RBFOX1: variants seen among roughly 807,000 people sequenced by gnomAD.
RBFOX1 encodes RNA binding fox-1 homolog 1.
Under a neutral mutation model 57.7 loss-of-function variants are expected in RBFOX1, and 8 were observed. The ratio of observed to expected loss-of-function variants is 0.14; its 90% CI spans 0.08 to 0.25. The LOEUF is 0.25. RBFOX1 is among the 10% of genes least tolerant of loss of function. RBFOX1 has a pLI of 1.00. For synonymous variants in RBFOX1, 326 were observed against 222.4 expected (o/e 1.47, Z -4.15); for missense variants, 611 against 548.5 (o/e 1.11, Z -1.14).
At chr16:6,933,898 ACAAC>A (rs2076955974) in intron 3 of RBFOX1, among the ~76,000 whole-genome samples, 1 of 152,198 alleles carries the variant, frequency 6.6e-6, no homozygotes, top group Non-Finnish European at 1.5e-5. Flanking sequence ...AAGTTATTGA[ACAAC>A]AAAATACCAG....
chr16:7,146,896 C>T (rs1042740665), intron 4 of RBFOX1, among the ~76,000 whole-genome samples: 1 of 147,314 alleles, frequency 6.8e-6, no homozygotes. Context: ...TTGCAGTGAG[C>T]CATGTTTGCG....
chr16:5,569,457 TTTTTTTTTTTCTTC>T (rs1670977851), intron 2 of RBFOX1, among the ~76,000 whole-genome samples: 1 of 116,084 alleles, frequency 8.6e-6, no homozygotes, highest in African/African-American at 4.1e-5. Flanking sequence ...TTTTTTTTTT[TTTTTTTTTTTCTTC>T]TTCTTTTTGG....
intron 1 of RBFOX1, among the ~76,000 whole-genome samples, chr16:5,400,586 A>G (rs1476107091): frequency 1.3e-5 from 2 of 152,206 alleles, no homozygotes; most frequent in Admixed American, 6.5e-5. Flanking sequence ...GTCTCTGAAA[A>G]TAGAAAATTA....
chr16:5,835,515 G>C (rs2056429643), intron 3 of RBFOX1, among the ~76,000 whole-genome samples: 1 of 152,152 alleles, frequency 6.6e-6, no homozygotes, highest in South Asian at 2.1e-4. Context: ...GTTGAAAAGA[G>C]TCCAGATTCC....
chr16:5,416,646 C>G (rs74007409), intron 1 of RBFOX1, among the ~76,000 whole-genome samples: 2,188 of 151,734 alleles, frequency 0.014, 55 homozygotes, highest in African/African-American at 0.049. Flanking sequence ...AAGTCTCTTA[C>G]AATGCTTACG....
chr16:6,928,162 C>T (rs1196204545), intron 3 of RBFOX1, among the ~76,000 whole-genome samples: 4 of 152,126 alleles, frequency 2.6e-5, no homozygotes, highest in African/African-American at 9.7e-5. Flanking sequence ...TCAGCATTGG[C>T]TGTGCATTGG....
At chr16:5,812,547 C>A (rs2055472297) in intron 3 of RBFOX1, among the ~76,000 whole-genome samples, 1 of 150,722 alleles carries the variant, frequency 6.6e-6, no homozygotes, top group Non-Finnish European at 1.5e-5. Flanking sequence ...CAGCCTCGAA[C>A]TCCTGGGCTC....
intron 4 of RBFOX1, among the ~76,000 whole-genome samples, chr16:7,496,805 A>G (rs1247740836): frequency 1.3e-5 from 2 of 150,968 alleles, no homozygotes; most frequent in Non-Finnish European, 2.9e-5. Context: ...TCTTTTAGAA[A>G]ATAAAAAATA....
At chr16:6,711,708 G>A (rs2063747278) in intron 3 of RBFOX1, among the ~76,000 whole-genome samples, 2 of 152,156 alleles carry the variant, frequency 1.3e-5, no homozygotes, top group African/African-American at 2.4e-5. Context: ...GTATGTCTCT[G>A]TAGCAGTATG....
intron 2 of RBFOX1, among the ~76,000 whole-genome samples, chr16:6,480,997 C>G (rs979306482): frequency 2.6e-5 from 4 of 152,174 alleles, no homozygotes; most frequent in Non-Finnish European, 2.9e-5. Flanking sequence ...GCAATTATAT[C>G]CAAACATATC....
intron 3 of RBFOX1, among the ~76,000 whole-genome samples, chr16:6,870,566 G>C (rs1215330347): frequency 6.6e-6 from 1 of 152,148 alleles, no homozygotes; most frequent in African/African-American, 2.4e-5. Flanking sequence ...TTGCAGGCTG[G>C]TTTTAATTTC....
At chr16:6,006,811 G>A (rs1191472730) in intron 4 of RBFOX1, among the ~76,000 whole-genome samples, 2 of 152,168 alleles carry the variant, frequency 1.3e-5, no homozygotes, top group Non-Finnish European at 2.9e-5. Context: ...TGGAAATGAG[G>A]GGAACCTAAG....
At chr16:7,319,180 C>G (rs2096497838) in intron 4 of RBFOX1, among the ~76,000 whole-genome samples, 1 of 152,164 alleles carries the variant, frequency 6.6e-6, no homozygotes, top group African/African-American at 2.4e-5. Context: ...GCCAGGGAAT[C>G]TCCAAGGAAG....
chr16:7,025,578 G>T (rs564251516), intron 3 of RBFOX1, among the ~76,000 whole-genome samples: 3 of 152,240 alleles, frequency 2.0e-5, no homozygotes, highest in East Asian at 3.9e-4. Context: ...TGTGCAGTGT[G>T]CATTTGCATG....
At chr16:5,512,117 T>A (rs534035080) in intron 2 of RBFOX1, among the ~76,000 whole-genome samples, 102 of 152,190 alleles carry the variant, frequency 6.7e-4, no homozygotes, top group African/African-American at 2.2e-3. Context: ...TTTGGCAAAG[T>A]GGTTTTTGCT....
chr16:7,541,297 A>C (rs1465835941), intron 5 of RBFOX1, among the ~76,000 whole-genome samples: 1 of 152,140 alleles, frequency 6.6e-6, no homozygotes, highest in East Asian at 1.9e-4. Flanking sequence ...GTGAGTGTCT[A>C]CCCTTTGTTG....
intron 3 of RBFOX1, among the ~76,000 whole-genome samples, chr16:6,954,976 A>G (rs2081462568): frequency 6.6e-6 from 1 of 151,932 alleles, no homozygotes; most frequent in Non-Finnish European, 1.5e-5. Flanking sequence ...CGTGCCCATA[A>G]TCTGAGTACT....
intron 4 of RBFOX1, among the ~76,000 whole-genome samples, chr16:5,900,865 T>G (rs1280785995): frequency 1.3e-5 from 2 of 152,052 alleles, no homozygotes; most frequent in African/African-American, 4.8e-5. Flanking sequence ...GAGCCCCTAT[T>G]CCAAAAAACC....
chr16:6,716,580 G>C (rs2064870264), intron 3 of RBFOX1, among the ~76,000 whole-genome samples: 1 of 152,184 alleles, frequency 6.6e-6, no homozygotes, highest in Non-Finnish European at 1.5e-5. Flanking sequence ...ACTTGTCTCA[G>C]AATCTTTCAG....
Sources: allele counts gnomAD v4.1 joint callset (sites outside exome capture counted in the v4.1 genomes callset), GRCh38; gene constraint gnomAD v4.1.1; transcripts MANE v1.5; gene names NCBI Gene and HGNC (gene_info 2026-07-23, HGNC 2026-07-21).